ADAMTS18: variants seen among roughly 807,000 people sequenced by gnomAD.
ADAMTS18 encodes the protein ADAM metallopeptidase with thrombospondin type 1 motif 18, also known as A disintegrin and metalloproteinase with thrombospondin motifs 18.
A neutral mutation model predicts 165.9 loss-of-function variants in ADAMTS18; 157 were observed. The observed-to-expected ratio is 0.95, with a 90% confidence interval of 0.83 to 1.08. The LOEUF (loss-of-function observed/expected upper bound fraction) is 1.08. Among genes scored for constraint, ADAMTS18 ranks in the 50% least tolerant of loss-of-function variants. The pLI, the probability that ADAMTS18 is intolerant of heterozygous loss-of-function variation, is 0.00. For synonymous variants in ADAMTS18, 782 were observed against 578.2 expected, an observed-to-expected ratio of 1.35 and a Z score of -5.06; for missense variants, 2,040 against 1,534.0, an observed-to-expected ratio of 1.33 and a Z score of -5.51.
chr16:77,335,417 C>T (rs2056292675), intron 12 of ADAMTS18, among the ~76,000 whole-genome samples: 1 of 151,236 alleles, frequency 6.6e-6, no homozygotes, highest in South Asian at 2.1e-4. Flanking sequence ...ATCTAGTATT[C>T]AGTAGCACAA....
At chr16:77,411,037 C>G (rs942177729) in intron 3 of ADAMTS18, among the ~76,000 whole-genome samples, 1 of 152,166 alleles carries the variant, frequency 6.6e-6, no homozygotes, top group Non-Finnish European at 1.5e-5. Flanking sequence ...CCCGCAAATG[C>G]CAATGAAACA....
At chr16:77,358,517 G>A (rs533979391) in intron 8 of ADAMTS18, among the ~76,000 whole-genome samples, 4 of 152,218 alleles carry the variant, frequency 2.6e-5, no homozygotes, top group East Asian at 1.9e-4. Context: ...AGCCGAGATC[G>A]TGCCACTGCA....
At chr16:77,365,766 T>G (rs962873555) in intron 4 of ADAMTS18, among the ~76,000 whole-genome samples, 1 of 152,196 alleles carries the variant, frequency 6.6e-6, no homozygotes, top group South Asian at 2.1e-4. Flanking sequence ...GTAACACTGG[T>G]CCAGCCGTAA....
At chr16:77,314,612 CA>C (rs111779903) in intron 16 of ADAMTS18, among the ~76,000 whole-genome samples, 38,226 of 87,130 alleles carry the variant, frequency 0.44, 6,425 homozygotes, top group East Asian at 0.67. Context: ...AACTCTGTCT[CA>C]AAAAAAAAAA....
chr16:77,399,784 T>C (rs1426542912), intron 3 of ADAMTS18, among the ~76,000 whole-genome samples: 1 of 152,212 alleles, frequency 6.6e-6, no homozygotes, highest in Non-Finnish European at 1.5e-5. Context: ...GATGCAACCA[T>C]GACTTGATTA....
chr16:77,365,675 G>C (rs934946435), intron 4 of ADAMTS18, among the ~76,000 whole-genome samples: 3 of 151,822 alleles, frequency 2.0e-5, no homozygotes, highest in Non-Finnish European at 4.4e-5. Context: ...ACAACTACGA[G>C]CATTCCTGGG....
At position 77,397,558 on chromosome 16, in the gene ADAMTS18, A is replaced by C. The variant is rs74025998; in HGVS notation, c.496-29835T>G. On this transcript the variant is annotated intron_variant, in intron 3 of 22. Transcript: ENST00000282849. ...TCATAGAATTTGGAGTCATTAACAC[A>C]GTGATGTTAATCTATTCCAAGAACT... Among the ~76,000 whole-genome samples, 764 of 152,352 alleles carry C rather than the reference A, an allele frequency of 5.0e-3. 9 individuals are homozygous for C. Among genetic ancestry groups the C allele is most frequent in the African/African-American group, 0.018 (742 of 41,592 alleles).
intron 19 of ADAMTS18, 75 bp downstream of exon 19, chr16:77,294,848 G>T: frequency 1.4e-6 from 2 of 1,417,774 alleles, no homozygotes; most frequent in East Asian, 2.3e-5. Context: ...CAAGAGCCCA[G>T]TGGAGAGCAA....
At chr16:77,431,690 G>A (rs1409903394) in intron 2 of ADAMTS18, 79 bp from the exon 3 acceptor site, 3 of 1,403,174 alleles carry the variant, frequency 2.1e-6, no homozygotes, top group African/African-American at 2.8e-5. Context: ...CTGGCAAAGA[G>A]CAACACAAAG....
intron 16 of ADAMTS18, 30 bp from the exon 17 acceptor site, chr16:77,300,434 C>T (rs745612215): frequency 1.2e-6 from 2 of 1,613,380 alleles, no homozygotes; most frequent in South Asian, 1.1e-5. Flanking sequence ...AATCAGAGAT[C>T]AAGATACAGG....
intron 3 of ADAMTS18, among the ~76,000 whole-genome samples, chr16:77,388,895 T>G (rs2057146652): frequency 6.6e-6 from 1 of 152,242 alleles, no homozygotes; most frequent in Non-Finnish European, 1.5e-5. Flanking sequence ...ATGACTAATG[T>G]CCAAATGGTA....
At position 77,325,828 on chromosome 16, in the gene ADAMTS18, CAT is replaced by C. The variant is rs753455214; in HGVS notation, c.2032+36_2032+37del. Reference sequence around the variant, plus strand: ...TATTGGTCAATCACATTATTATCCACATAGAGACTTATTTGAATGTCATAGAG... The same window carrying C: ...TATTGGTCAATCACATTATTATCCACAGAGACTTATTTGAATGTCATAGAG... On this transcript the variant is annotated intron_variant, in intron 13 of 22. Coordinates refer to ENST00000282849, the MANE Select transcript of ADAMTS18 (RefSeq NM_199355.4). 19 of 1,578,624 alleles carry C rather than the reference CAT, an allele frequency of 1.2e-5. No individual in the cohort carries two copies. In the East Asian group the frequency reaches 3.4e-4, roughly 28 times the overall value.
rs1307355914 is a variant in ADAMTS18, at chr16:77,335,905, C to G, written c.1711-1G>C. On this transcript the variant is annotated splice_acceptor_variant, in intron 11 of 22. Coordinates refer to ENST00000282849, the MANE Select transcript of ADAMTS18 (RefSeq NM_199355.4). LOFTEE classifies it high-confidence loss of function. ...TTACGCACTGGCCTTGCCGACACCA[C>G]TGTGAAAAGAACGTGTAAGATGGTT... 6.2e-7 allele frequency: 1 copy of G among 1,614,206 alleles called. No individual in the cohort carries two copies. The highest frequency in any genetic ancestry group is 8.5e-7 in the Non-Finnish European group (1 of 1,180,026).
chr16:77,350,826 A>G (rs2056545073), intron 10 of ADAMTS18, among the ~76,000 whole-genome samples: 1 of 152,156 alleles, frequency 6.6e-6, no homozygotes, highest in Non-Finnish European at 1.5e-5. Flanking sequence ...GATACACTGC[A>G]TCTGCTGGTC....
chr16:77,431,225 C>T (rs917990462), intron 3 of ADAMTS18, 70 bp downstream of exon 3: 1 of 1,539,474 alleles, frequency 6.5e-7, no homozygotes, highest in Non-Finnish European at 9.0e-7. Flanking sequence ...ATTTATATTG[C>T]AGACATCTGT....
chr16:77,431,550 A>G lies in ADAMTS18; in HGVS notation c.240T>C (p.Ile80=). The change falls in exon 3 of 23, where the codon ATT becomes ATC. Residue 80 remains isoleucine (I), a synonymous_variant. Transcript: ENST00000282849. ...ATCGCTTTTTCCTGCCGTTGTGCAAAATGTCGTGTGAAATATATGACCCGG... is the reference window on the plus strand; with the variant it reads ...ATCGCTTTTTCCTGCCGTTGTGCAAGATGTCGTGTGAAATATATGACCCGG... ...DSAGSYISHD[I]LHNGRKKRSA... 6.2e-7 allele frequency: 1 copy of G among 1,614,118 alleles called. No homozygotes were observed. Among genetic ancestry groups the G allele is most frequent in the Non-Finnish European group, 8.5e-7 (1 of 1,180,020 alleles).
At chr16:77,372,312 C>A (rs1042407689) in intron 3 of ADAMTS18, among the ~76,000 whole-genome samples, 10 of 152,212 alleles carry the variant, frequency 6.6e-5, no homozygotes, top group Admixed American at 6.5e-4. Context: ...GAGATATCTG[C>A]ACTCCAGTGT....
At chr16:77,395,075 T>C (rs16945612) in intron 3 of ADAMTS18, among the ~76,000 whole-genome samples, 19,656 of 152,160 alleles carry the variant, frequency 0.13, 1,608 homozygotes, top group African/African-American at 0.22. Flanking sequence ...AACAACTTTA[T>C]TTCTGGTCCA....
intron 3 of ADAMTS18, among the ~76,000 whole-genome samples, chr16:77,372,783 T>C (rs1212355911): frequency 1.3e-5 from 2 of 152,164 alleles, no homozygotes; most frequent in African/African-American, 4.8e-5. Context: ...TGCTGGTAGA[T>C]GCTCGCGTCT....
Sources: allele counts gnomAD v4.1 joint callset (sites outside exome capture counted in the v4.1 genomes callset), GRCh38; gene constraint gnomAD v4.1.1; transcripts MANE v1.5; gene names NCBI Gene and HGNC (gene_info 2026-07-23, HGNC 2026-07-21).